The following KIF6 variants were observed in gnomAD, a reference collection of about 807,000 sequenced individuals.
KIF6 encodes the protein kinesin-like protein KIF6.
A neutral mutation model predicts 112.7 loss-of-function variants in KIF6; 106 were observed. The observed-to-expected ratio is 0.94, with a 90% CI of 0.80 to 1.11. The LOEUF is 1.11. Ranked by LOEUF, KIF6 falls within the 50% of genes least tolerant of loss-of-function variation. KIF6 has a pLI of 0.00. For missense variants in KIF6, 929 were observed against 964.0 expected, an observed-to-expected ratio of 0.96 and a Z score of 0.48; for synonymous variants, 339 against 339.9, an observed-to-expected ratio of 1.00 and a Z score of 0.03.
chr6:39,368,767 A>G (rs943893339), intron 16 of KIF6, among the ~76,000 whole-genome samples: 1 of 152,222 alleles, frequency 6.6e-6, no homozygotes, highest in Non-Finnish European at 1.5e-5. Context: ...TGGACTAGGA[A>G]TCCTAAAGAA....
intron 13 of KIF6, among the ~76,000 whole-genome samples, chr6:39,456,329 T>C (rs71409493): frequency 2.4e-5 from 3 of 127,358 alleles, no homozygotes; most frequent in African/African-American, 9.1e-5. Context: ...CTGAGAGATT[T>C]TGTCACCGCC....
chr6:39,368,995 C>A (rs529499756), intron 16 of KIF6, among the ~76,000 whole-genome samples: 8 of 152,308 alleles, frequency 5.3e-5, no homozygotes, highest in African/African-American at 1.7e-4. Flanking sequence ...ACTAATGATT[C>A]ATTTGCTGAA....
chr6:39,440,680 G>A (rs1382687368), intron 13 of KIF6, among the ~76,000 whole-genome samples: 1 of 152,108 alleles, frequency 6.6e-6, no homozygotes, highest in Non-Finnish European at 1.5e-5. Context: ...TAGAATGAAC[G>A]GGTTGATGGG....
chr6:39,712,871 C>T (rs1396173449), intron 3 of KIF6, among the ~76,000 whole-genome samples: 1 of 152,150 alleles, frequency 6.6e-6, no homozygotes, highest in East Asian at 1.9e-4. Context: ...TTAATGGGTG[C>T]AGCAAACCAA....
intron 3 of KIF6, among the ~76,000 whole-genome samples, chr6:39,664,220 G>A (rs1786322849): frequency 1.3e-5 from 2 of 152,108 alleles, no homozygotes; most frequent in African/African-American, 4.8e-5. Context: ...GTTTCAGGGT[G>A]GGGTAGTAGC....
chr6:39,634,977 G>C lies in KIF6; in HGVS notation c.400-19C>G, dbSNP rs375869910. ...TGCTGTCCTGATTGGAAAAGGGAAAGGTATTATTTATCGGTTATAACAATG... is the reference window on the plus strand; with the variant it reads ...TGCTGTCCTGATTGGAAAAGGGAAACGTATTATTTATCGGTTATAACAATG... On this transcript the variant is annotated intron_variant, in intron 4 of 22. Transcript: ENST00000287152. 8 of 1,327,878 alleles carry C rather than the reference G, an allele frequency of 6.0e-6. No homozygotes were observed. The highest frequency in any genetic ancestry group is 6.5e-6 in the Non-Finnish European group (6 of 920,264). 82.3% of individuals were successfully genotyped at this position (1,327,878 alleles called of 1,614,324 possible).
At chr6:39,408,969 C>T (rs1769287619) in intron 15 of KIF6, among the ~76,000 whole-genome samples, 1 of 152,156 alleles carries the variant, frequency 6.6e-6, no homozygotes, top group Non-Finnish European at 1.5e-5. Flanking sequence ...AACCTCTCTG[C>T]CTCTTTCCTT....
chr6:39,416,800 A>T (rs1327202139), intron 15 of KIF6, among the ~76,000 whole-genome samples: 2 of 152,244 alleles, frequency 1.3e-5, no homozygotes, highest in African/African-American at 4.8e-5. Flanking sequence ...CCGAGGAGAC[A>T]GTGGCAACCT....
In KIF6 at chr6:39,336,562, A is replaced by G; in HGVS notation, c.2429-14T>C. The stretch of plus-strand genomic sequence containing the variant: ...TGCTTCCCAAACCTGAAAGGGAGAC[A>G]GGATGCTTTTGGTTAGGCTGTGCAT... On this transcript the variant is annotated splice_polypyrimidine_tract_variant and intron_variant, in intron 22 of 22. Transcript: ENST00000287152. 5.0e-6 allele frequency: 8 copies of G among 1,613,896 alleles called. No homozygotes were observed. Among genetic ancestry groups the G allele is most frequent in the Non-Finnish European group, 6.8e-6 (8 of 1,179,780 alleles).
intron 16 of KIF6, among the ~76,000 whole-genome samples, chr6:39,366,988 G>A (rs1393602314): frequency 6.6e-6 from 1 of 152,084 alleles, no homozygotes; most frequent in African/African-American, 2.4e-5. Flanking sequence ...TGTTGAAAGG[G>A]TCTGGGAAAG....
intron 13 of KIF6, among the ~76,000 whole-genome samples, chr6:39,490,344 T>G (rs1425561448): frequency 6.6e-6 from 1 of 152,218 alleles, no homozygotes; most frequent in Non-Finnish European, 1.5e-5. Flanking sequence ...GGACTTTCAT[T>G]CCAAGGTAAA....
intron 13 of KIF6, among the ~76,000 whole-genome samples, chr6:39,528,270 T>C (rs532821176): frequency 6.6e-5 from 10 of 152,340 alleles, no homozygotes; most frequent in African/African-American, 2.4e-4. Flanking sequence ...GTTCCATCTA[T>C]GTTGTCACAA....
intron 13 of KIF6, among the ~76,000 whole-genome samples, chr6:39,497,281 C>T (rs181924019): frequency 7.2e-5 from 11 of 152,328 alleles, no homozygotes; most frequent in East Asian, 5.8e-4. Context: ...TGCTCAAAAA[C>T]GACTTTCCAG....
In KIF6 at chr6:39,343,488, C is replaced by T. The variant is rs533207152; in HGVS notation, c.2428+221G>A. The T allele has an allele frequency of 1.1e-4, 158 of 1,489,400 alleles. No individual in the cohort carries two copies. The highest frequency in any genetic ancestry group is 7.1e-4 in the African/African-American group (51 of 72,092). 92.3% of individuals were successfully genotyped at this position (1,489,400 alleles called of 1,614,324 possible). A position where few individuals can be genotyped will look rare whatever the true frequency, so the allele number is the denominator to read the frequency against. ...CCAAGAGGGACAGGAGCACCTGGGCCGCCCACCCACTTGGGCCTGTCTTGG... is the reference window on the plus strand; with the variant it reads ...CCAAGAGGGACAGGAGCACCTGGGCTGCCCACCCACTTGGGCCTGTCTTGG... On this transcript the variant is annotated intron_variant, in intron 22 of 22. Coordinates refer to ENST00000287152, the MANE Select transcript of KIF6 (RefSeq NM_145027.6). This position sits in a 1 kb window ranked among gnomAD's most constrained non-coding sequence, Gnocchi z 4.1.
intron 3 of KIF6, among the ~76,000 whole-genome samples, chr6:39,700,540 G>C (rs964227566): frequency 5.3e-5 from 8 of 152,094 alleles, no homozygotes; most frequent in Non-Finnish European, 1.0e-4. Flanking sequence ...TGTCACTTGT[G>C]GAGGTTGAAC....
At chr6:39,678,171 C>T (rs1013903908) in intron 3 of KIF6, among the ~76,000 whole-genome samples, 17 of 151,000 alleles carry the variant, frequency 1.1e-4, no homozygotes, top group East Asian at 2.0e-4. Flanking sequence ...GGAGAGGATG[C>T]GGAGAAATAG....
At chr6:39,556,621 A>G (rs1367136550) in intron 10 of KIF6, among the ~76,000 whole-genome samples, 1 of 151,958 alleles carries the variant, frequency 6.6e-6, no homozygotes. Flanking sequence ...AGGATCAAGG[A>G]ATGAGAGGCA....
intron 6 of KIF6, among the ~76,000 whole-genome samples, chr6:39,610,396 A>C (rs1783151448): frequency 6.6e-6 from 1 of 152,118 alleles, no homozygotes. Flanking sequence ...AGGAAAGAGC[A>C]CTCCACTTTG....
At chr6:39,662,058 T>C (rs1256273623) in intron 3 of KIF6, among the ~76,000 whole-genome samples, 2 of 152,328 alleles carry the variant, frequency 1.3e-5, no homozygotes, top group East Asian at 3.9e-4. Context: ...TTATAGAATA[T>C]ATTTAAGTGT....
Sources: gnomAD v4.1 joint callset for allele counts (sites outside exome capture counted in the v4.1 genomes callset) on GRCh38, gnomAD v4.1.1 for gene constraint, Gnocchi (gnomAD v3.1) non-coding constraint, MANE v1.5 for transcripts, NCBI Gene and HGNC (gene_info 2026-07-23, HGNC 2026-07-21) for gene names.